Variants in SETD9 observed in about 807,000 individuals in gnomAD.
SETD9 encodes the protein SET domain-containing protein 9.
In SETD9, 37 loss-of-function variants were observed where a neutral mutation model predicts 36.4. That is an observed-to-expected ratio of 1.02 (90% CI 0.78 to 1.34). SETD9 has a LOEUF of 1.34. SETD9 is among the 40% of genes most tolerant of loss of function. The pLI is 0.00. For synonymous variants in SETD9, 128 were observed against 132.9 expected, an observed-to-expected ratio of 0.96 and a Z score of 0.26; for missense variants, 323 against 353.2, an observed-to-expected ratio of 0.91 and a Z score of 0.69.
chr5:56,925,501 A>T (rs702679), exon 6 of SETD9: 1 of 255,546 alleles, frequency 3.9e-6, no homozygotes, highest in Non-Finnish European at 7.8e-6. Flanking sequence ...ACACAAGACC[A>T]TTTACATTAG....
chr5:56,926,356 C>T (rs1462625028), downstream of SETD9, among the ~76,000 whole-genome samples: 4 of 151,644 alleles, frequency 2.6e-5, no homozygotes, highest in Admixed American at 2.6e-4. Flanking sequence ...TAATAAAGGA[C>T]TAGAATCCAA....
upstream of SETD9, chr5:56,909,263 C>G (rs2111997269): frequency 5.6e-6 from 1 of 179,150 alleles, no homozygotes; most frequent in Non-Finnish European, 1.2e-5. Flanking sequence ...GCAGGCCAGA[C>G]AGCCGTGACA....
chr5:56,914,663 ATATATT>A (rs1410791485), intron 4 of SETD9, among the ~76,000 whole-genome samples, 192 bp from the exon 5 acceptor site: 1 of 152,104 alleles, frequency 6.6e-6, no homozygotes, highest in Non-Finnish European at 1.5e-5. Context: ...ATTTTATTTT[ATATATT>A]TATGATTTAC....
Position 56,917,051 on chromosome 5 carries a change from TTA to T in SETD9, c.*151_*152del, listed in dbSNP as rs1479891233. 6.8e-6 allele frequency: 9 copies of T among 1,320,544 alleles called. No individual in the cohort carries two copies. In the South Asian group the frequency reaches 1.3e-4, roughly 19 times the overall value. 81.8% of individuals were successfully genotyped at this position (1,320,544 alleles called of 1,614,324 possible). A position where few individuals can be genotyped will look rare whatever the true frequency, so the allele number is the denominator to read the frequency against. ...TCTTATGTTTTTGTTGATATTATAT[TTA>T]TGTTCCAATTTCATGATAAAAGCTA... On this transcript the variant is annotated 3_prime_UTR_variant, in exon 6 of 6. Transcript: ENST00000285947.
chr5:56,911,140 T>C, intron 1 of SETD9, 29 bp from the exon 2 acceptor site: 1 of 1,517,558 alleles, frequency 6.6e-7, no homozygotes, highest in Non-Finnish European at 8.8e-7. Context: ...AGTTGAAGGG[T>C]AGTGAATAGA....
chr5:56,915,057 ATT>A, intron 5 of SETD9, 91 bp downstream of exon 5: 7 of 834,120 alleles, frequency 8.4e-6, no homozygotes, highest in East Asian at 3.6e-5. Context: ...TTGGGGTAAA[ATT>A]TTTTTTTTAG....
chr5:56,923,247 T>C (rs1431471750), intron 5 of SETD9: 3 of 1,614,084 alleles, frequency 1.9e-6, no homozygotes, highest in East Asian at 2.2e-5. Context: ...GCACTGGTGA[T>C]GTGATGTGTG....
chr5:56,909,754 G>C lies in SETD9; in HGVS notation c.98+11G>C, dbSNP rs1293282893. Reference sequence around the variant, plus strand: ...AAGCCACAACCCGAGGTGAGAGGGCGGGACGGCAGAACGAGGGGCACCTGC... The same window carrying C: ...AAGCCACAACCCGAGGTGAGAGGGCCGGACGGCAGAACGAGGGGCACCTGC... On this transcript the variant is annotated intron_variant, in intron 1 of 5. Transcript: ENST00000285947. 6.2e-7 allele frequency: 1 copy of C among 1,607,236 alleles called. No homozygotes were observed. Among genetic ancestry groups the C allele is most frequent in the Admixed American group, 1.7e-5 (1 of 59,706 alleles).
chr5:56,916,836 T>TG lies in SETD9; in HGVS notation c.835dup (p.Val279GlyfsTer4). 6.2e-7 allele frequency: 1 copy of TG among 1,608,222 alleles called. No homozygotes were observed. On this transcript the variant is annotated frameshift_variant, in exon 6 of 6. Transcript: ENST00000285947. LOFTEE classifies it high-confidence loss of function. ...TCAGCCCACTTCGATGTGTTGTTCT[T>TG]GTCGCACTTAGGGACATCAATCAAG...
Position 56,916,940 on chromosome 5 carries a change from TATTA to T in SETD9, c.*42_*45del. ...GAAATTATTAGGTTTTCTACTCAGC[TATTA>T]ATTCTAAGTGTTTTTTGTTAATCAC... On this transcript the variant is annotated 3_prime_UTR_variant, in exon 6 of 6. Transcript: ENST00000285947. The T allele has an allele frequency of 6.4e-7, 1 of 1,560,404 alleles. No individual in the cohort carries two copies. The highest frequency in any genetic ancestry group is 8.6e-7 in the Non-Finnish European group (1 of 1,160,564).
chr5:56,919,651 T>A (rs1749572458), downstream of SETD9: 1 of 152,580 alleles, frequency 6.6e-6, no homozygotes, highest in African/African-American at 2.4e-5. Flanking sequence ...GGTATTAAAG[T>A]ACAACAAATA....
At chr5:56,926,142 C>G (rs540299112), downstream of SETD9, among the ~76,000 whole-genome samples, 69 of 152,052 alleles carry the variant, frequency 4.5e-4, no homozygotes, top group African/African-American at 1.6e-3. Context: ...AACTATAAAG[C>G]TCTTAGAAGA....
At chr5:56,926,761 C>T (rs115998761), downstream of SETD9, among the ~76,000 whole-genome samples, 2,074 of 152,182 alleles carry the variant, frequency 0.014, 20 homozygotes, top group Non-Finnish European at 0.018. Context: ...CACATAAAAA[C>T]CTGCACATGA....
downstream of SETD9, chr5:56,919,576 G>A (rs1292807460): frequency 6.6e-6 from 1 of 152,162 alleles, no homozygotes; most frequent in African/African-American, 2.4e-5. Context: ...CTGTATTTTT[G>A]GCAAATATTC....
downstream of SETD9, chr5:56,920,605 T>A (rs754667620): frequency 1.3e-5 from 2 of 152,444 alleles, no homozygotes; most frequent in Non-Finnish European, 2.9e-5. Context: ...AATTCTCTGT[T>A]AAGATGTTTA....
chr5:56,922,775 C>A, intron 5 of SETD9: 6 of 236,016 alleles, frequency 2.5e-5, no homozygotes, highest in South Asian at 7.8e-5. Flanking sequence ...AGCTGGTGGC[C>A]TCTGTCTACA....
intron 4 of SETD9, 78 bp from the exon 5 acceptor site, chr5:56,914,783 T>G (rs1749341799): frequency 1.1e-6 from 1 of 931,074 alleles, no homozygotes; most frequent in Admixed American, 2.4e-5. Context: ...AAACAGACAT[T>G]GAGTGTCATA....
At position 56,911,329 on chromosome 5, in the gene SETD9, C is replaced by CA. The variant is rs1749110219; in HGVS notation, c.261dup (p.Asp88ArgfsTer6). 6.2e-7 allele frequency: 1 copy of CA among 1,611,340 alleles called. No homozygotes were observed. The highest frequency in any genetic ancestry group is 1.3e-5 in the African/African-American group (1 of 74,730). ...TCCAGAATCTGTTAAATCAAAATAT[C>CA]AAGACCTACTGGCAGTTGAACATCA... On this transcript the variant is annotated frameshift_variant, in exon 2 of 6. Transcript: ENST00000285947. LOFTEE classifies it high-confidence loss of function.
At chr5:56,912,685 T>C (rs1316069269) in intron 2 of SETD9, among the ~76,000 whole-genome samples, 2 of 152,186 alleles carry the variant, frequency 1.3e-5, no homozygotes, top group Admixed American at 6.5e-5. Context: ...TCAAACTCTT[T>C]AGATGTTAAA....
Sources: gnomAD v4.1 joint callset for allele counts (sites outside exome capture counted in the v4.1 genomes callset) on GRCh38, gnomAD v4.1.1 for gene constraint, MANE v1.5 for transcripts, NCBI Gene and HGNC (gene_info 2026-07-23, HGNC 2026-07-21) for gene names.